The following ADCY3 variants were observed in gnomAD, a reference collection of about 807,000 sequenced individuals.
ADCY3 encodes the protein adenylate cyclase type 3.
Under a neutral mutation model 119.4 loss-of-function variants are expected in ADCY3, and 70 were observed. The ratio of observed to expected loss-of-function variants is 0.59; its 90% CI spans 0.48 to 0.72. The LOEUF (loss-of-function observed/expected upper bound fraction) is 0.72, where lower values mean the gene tolerates loss of function less well. Among genes scored for constraint, ADCY3 ranks in the 30% least tolerant of loss-of-function variants. ADCY3 has a pLI of 0.00. For missense variants in ADCY3, 1,238 were observed against 1,541.6 expected (o/e 0.80, Z 3.30); for synonymous variants, 672 against 621.4 (o/e 1.08, Z -1.21).
chr2:24,821,498 G>T lies in ADCY3; in HGVS notation c.3127+19C>A. On this transcript the variant is annotated intron_variant, in intron 20 of 21. Transcript: ENST00000679454. ...GGGAAGGGAGCCTGCTGCGGGGCAG[G>T]CCAGCTGGGGGTGCTCACCTATGCG... The T allele has an allele frequency of 6.2e-7, 1 of 1,612,978 alleles. No homozygotes were observed. The highest frequency in any genetic ancestry group is 8.5e-7 in the Non-Finnish European group (1 of 1,179,392).
chr2:24,864,272 G>C (rs1304422821), intron 3 of ADCY3, among the ~76,000 whole-genome samples: 1 of 152,120 alleles, frequency 6.6e-6, no homozygotes, highest in African/African-American at 2.4e-5. Flanking sequence ...CTGGGCGACA[G>C]AGCAAGACTC....
In ADCY3 at chr2:24,828,039, G is replaced by A. The variant is rs1572803577; in HGVS notation, c.2295C>T (p.Thr765=). 1 of 1,614,252 alleles carries A rather than the reference G, an allele frequency of 6.2e-7. No individual in the cohort carries two copies. Among genetic ancestry groups the A allele is most frequent in the East Asian group, 2.2e-5 (1 of 44,882 alleles). ...NYVAVLSLIA[T]IMLVQVSHMV... ...TGTGGCTGACCTGCACCAGCATGAT[G>A]GTGGCGATGAGGGACAGCACGGCCA... Residue 765 remains threonine (T), a synonymous_variant, in exon 14 of 22, where the codon ACC becomes ACT. Coordinates refer to ENST00000679454, the MANE Select transcript of ADCY3 (RefSeq NM_004036.5).
chr2:24,856,986 TGTCCCCAGA>T (rs1425858323), intron 3 of ADCY3, among the ~76,000 whole-genome samples: 2 of 152,208 alleles, frequency 1.3e-5, no homozygotes, highest in African/African-American at 2.4e-5. Context: ...ACCAGACCAG[TGTCCCCAGA>T]GTCCCCAGAT....
intron 2 of ADCY3, among the ~76,000 whole-genome samples, chr2:24,894,920 T>C (rs1173716834): frequency 5.3e-5 from 8 of 152,168 alleles, no homozygotes; most frequent in African/African-American, 1.9e-4. Context: ...TCAGTTCTAC[T>C]GTCTTCTGCC....
Position 24,825,334 on chromosome 2 carries a change from CG to C in ADCY3, c.2577+710del, listed in dbSNP as rs768838126. On this transcript the variant is annotated intron_variant, in intron 16 of 21. Transcript: ENST00000679454. ...GTCCGGTTGAGTGCGGTGGTTGTGG[CG>C]GGGGGGGGGGGGGTGCGGGGGGGGT... Among the ~76,000 whole-genome samples the C allele has an allele frequency of 1.9e-3, 156 of 81,390 alleles. 4 individuals carry two copies. Among genetic ancestry groups the C allele is most frequent in the African/African-American group, 8.1e-3 (119 of 14,692 alleles). The allele number at this position is 81,390 out of a possible 152,430, so 53.4% of individuals were successfully genotyped here.
At chr2:24,860,096 C>T (rs1258441972) in intron 3 of ADCY3, among the ~76,000 whole-genome samples, 2 of 152,230 alleles carry the variant, frequency 1.3e-5, no homozygotes, top group African/African-American at 4.8e-5. Flanking sequence ...CCCACATCCT[C>T]CGTCAACCAT....
At position 24,822,603 on chromosome 2, in the gene ADCY3, T is replaced by C. The variant is rs75780875; in HGVS notation, c.2911A>G (p.Ile971Val). ...CTGCCAATGGTTTTGATCTTGGTGA[T>C]CACCCGGAACTTGGGATTGTCCAGG... ...SLLDNPKFRVITKIKTIGSTY... is the reference protein window; with the variant it reads ...SLLDNPKFRVVTKIKTIGSTY... The change falls in exon 19 of 22, where the codon ATC (isoleucine) becomes GTC (valine). Residue 971 changes from isoleucine (I) to valine (V), a missense_variant. Around this residue, in one of 7 missense-constraint regions of ADCY3, gnomAD observed 37 missense variants for 73.5 expected, o/e 0.50. Coordinates refer to ENST00000679454, the MANE Select transcript of ADCY3 (RefSeq NM_004036.5). The C allele has an allele frequency of 2.0e-4, 321 of 1,613,920 alleles. No homozygotes were observed. Among genetic ancestry groups the C allele is most frequent in the Non-Finnish European group, 2.7e-4 (315 of 1,179,998 alleles).
In ADCY3 at chr2:24,838,978, T is replaced by C. The variant is rs1178099222; in HGVS notation, c.1356-356A>G. 55 of 1,214,130 alleles carry C rather than the reference T, an allele frequency of 4.5e-5. No individual in the cohort carries two copies. In the Admixed American group the frequency reaches 1.2e-3, roughly 26 times the overall value. The allele number at this position is 1,214,130 out of a possible 1,614,324, so 75.2% of individuals were successfully genotyped here. A position where few individuals can be genotyped will look rare whatever the true frequency, so the allele number is the denominator to read the frequency against. ...TTTTTTTTGAGACAGAGTCTTGTTCTGTCGCCCAGGATGGAGTGCAGTGGC... is the reference window on the plus strand; with the variant it reads ...TTTTTTTTGAGACAGAGTCTTGTTCCGTCGCCCAGGATGGAGTGCAGTGGC... On this transcript the variant is annotated intron_variant, in intron 7 of 21. Transcript: ENST00000679454.
intron 2 of ADCY3, among the ~76,000 whole-genome samples, chr2:24,875,986 T>G (rs1247914308): frequency 4.7e-5 from 7 of 149,254 alleles, no homozygotes; most frequent in African/African-American, 1.3e-4. Flanking sequence ...GACTTCTTTT[T>G]GGGAGGGGGG....
intron 2 of ADCY3, among the ~76,000 whole-genome samples, chr2:24,886,390 C>T (rs1035951410): frequency 6.6e-6 from 1 of 152,212 alleles, no homozygotes; most frequent in Admixed American, 6.5e-5. Context: ...AGCTGAACCC[C>T]GCCTCCTCCA....
intron 2 of ADCY3, among the ~76,000 whole-genome samples, chr2:24,914,919 A>G (rs1394766957): frequency 6.6e-6 from 1 of 150,584 alleles, no homozygotes; most frequent in Non-Finnish European, 1.5e-5. Context: ...CCCATCCCAC[A>G]CTCCCTGATC....
chr2:24,887,180 C>T (rs1366381040), intron 2 of ADCY3, among the ~76,000 whole-genome samples: 1 of 152,150 alleles, frequency 6.6e-6, no homozygotes, highest in Non-Finnish European at 1.5e-5. Flanking sequence ...AGCAGGAAGA[C>T]GTGCCGAGCG....
chr2:24,863,118 T>A (rs539976160), intron 3 of ADCY3, among the ~76,000 whole-genome samples: 3 of 152,346 alleles, frequency 2.0e-5, no homozygotes, highest in Admixed American at 6.5e-5. Flanking sequence ...CTGTGATGGT[T>A]AATACTAAGT....
At chr2:24,825,334 CGGGGGGGGGGG>C (rs768838126) in intron 16 of ADCY3, among the ~76,000 whole-genome samples, 1 of 81,574 alleles carries the variant, frequency 1.2e-5, no homozygotes, top group South Asian at 3.5e-4. Flanking sequence ...GTGGTTGTGG[CGGGGGGGGGGG>C]GGGTGCGGGG....
chr2:24,840,098 C>T, intron 6 of ADCY3, 67 bp from the exon 7 acceptor site: 3 of 1,546,280 alleles, frequency 1.9e-6, no homozygotes, highest in Non-Finnish European at 2.6e-6. Flanking sequence ...TGCCCCTGCT[C>T]CTGCAGGAGA....
intron 2 of ADCY3, among the ~76,000 whole-genome samples, chr2:24,877,069 T>A (rs963839095): frequency 1.3e-5 from 2 of 152,212 alleles, no homozygotes; most frequent in African/African-American, 4.8e-5. Flanking sequence ...ACCTCCCATC[T>A]GCTCCATCAC....
intron 2 of ADCY3, among the ~76,000 whole-genome samples, chr2:24,887,776 G>A (rs1178930608): frequency 1.3e-5 from 2 of 152,122 alleles, no homozygotes; most frequent in African/African-American, 2.4e-5. Context: ...CTTTAAACTC[G>A]CTGCCTCCCC....
In ADCY3 at chr2:24,834,487, G is replaced by C. The variant is rs1411741500; in HGVS notation, c.1965C>G (p.Pro655=). 5.0e-6 allele frequency: 8 copies of C among 1,590,608 alleles called. No individual in the cohort carries two copies. The highest frequency in any genetic ancestry group is 1.4e-5 in the African/African-American group (1 of 73,734). ...CTALVEILID[P]WLMTNYVTFM... ...GCCCTCCCCGGCCCCTCCCTCACCA[G>C]GGGTCGATGAGTATCTCGACCAGGG... is the stretch of plus-strand genomic sequence containing the variant. The change falls in exon 11 of 22, where the codon CCC becomes CCG. Residue 655 remains proline, a splice_region_variant and synonymous_variant. Coordinates refer to ENST00000679454, the MANE Select transcript of ADCY3 (RefSeq NM_004036.5). The surrounding 1 kb of genome is among the most constrained non-coding windows in gnomAD (Gnocchi z 4.2).
At chr2:24,848,411 G>A (rs144706406) in intron 3 of ADCY3, among the ~76,000 whole-genome samples, 1 of 152,178 alleles carries the variant, frequency 6.6e-6, no homozygotes, top group African/African-American at 2.4e-5. Flanking sequence ...TGACTGGTTT[G>A]CTGTTAATAA....
Sources: allele counts gnomAD v4.1 joint callset (sites outside exome capture counted in the v4.1 genomes callset), GRCh38; gene constraint gnomAD v4.1.1; regional missense constraint gnomAD v4.1.1; non-coding constraint Gnocchi (gnomAD v3.1); transcripts MANE v1.5; gene names NCBI Gene and HGNC (gene_info 2026-07-23, HGNC 2026-07-21).